ANKRD2: variants seen among roughly 807,000 people sequenced by gnomAD.
ANKRD2 encodes ankyrin repeat domain-containing protein 2.
Under a neutral mutation model 37.3 loss-of-function variants are expected in ANKRD2, and 35 were observed. The observed-to-expected ratio is 0.94, with a 90% CI of 0.72 to 1.24. ANKRD2 has a LOEUF of 1.24. Among genes scored for constraint, ANKRD2 ranks in the 50% most tolerant of loss-of-function variants. ANKRD2 has a pLI of 0.00. For missense variants in ANKRD2, 410 were observed against 445.6 expected (o/e 0.92, Z 0.72); for synonymous variants, 159 against 186.5 (o/e 0.85, Z 1.20).
At chr10:97,577,765 G>A in intron 1 of ANKRD2, 35 bp from the exon 2 acceptor site, 9 of 1,511,298 alleles carry the variant, frequency 6.0e-6, no homozygotes, top group African/African-American at 1.4e-5. Flanking sequence ...CTGTCTCCTC[G>A]GGTCCTGGAG....
intron 5 of ANKRD2, 104 bp downstream of exon 5, chr10:97,581,057 C>A: frequency 9.1e-7 from 1 of 1,099,318 alleles, no homozygotes; most frequent in Non-Finnish European, 1.3e-6. Flanking sequence ...AAACAGGTTG[C>A]TCAGGTGCCA....
chr10:97,578,273 C>A lies in ANKRD2; in HGVS notation c.223C>A (p.Leu75Met). 6.2e-7 allele frequency: 1 copy of A among 1,612,870 alleles called. No homozygotes were observed. ...GCGCGTGCGCAAGACGTCCCTGGAC[C>A]TGCGGCGGGAGATCATCGATGTGGG... Reference protein sequence around the residue: ...QERVRKTSLDLRREIIDVGGI... With the variant: ...QERVRKTSLDMRREIIDVGGI... The change falls in exon 3 of 9, where the codon CTG becomes ATG. Residue 75 changes from leucine (L) to methionine (M), a missense_variant. Transcript: ENST00000370655.
chr10:97,574,443 TGGTAGTAG>T (rs1209085842), intron 1 of ANKRD2, among the ~76,000 whole-genome samples: 1 of 152,146 alleles, frequency 6.6e-6, no homozygotes, highest in Non-Finnish European at 1.5e-5. Flanking sequence ...TGATAAAGTC[TGGTAGTAG>T]GGGCTAAGGC....
intron 1 of ANKRD2, among the ~76,000 whole-genome samples, chr10:97,576,558 A>G (rs2040828370): frequency 1.3e-5 from 2 of 152,290 alleles, no homozygotes; most frequent in East Asian, 1.9e-4. Context: ...AAAAAATAGT[A>G]TCTAACAAAG....
chr10:97,578,144 G>GGCCCCC, intron 2 of ANKRD2, 96 bp from the exon 3 acceptor site: 4 of 685,434 alleles, frequency 5.8e-6, no homozygotes, highest in Non-Finnish European at 7.5e-6. Flanking sequence ...GGGTCTTCCT[G>GGCCCCC]CCCACCCCAC....
intron 2 of ANKRD2, 96 bp from the exon 3 acceptor site, chr10:97,578,144 G>GGGGCCCCCCCCCCAACCC: frequency 1.5e-6 from 1 of 685,446 alleles, no homozygotes; most frequent in Non-Finnish European, 2.5e-6. Context: ...GGGTCTTCCT[G>GGGGCCCCCCCCCCAACCC]CCCACCCCAC....
chr10:97,577,923 G>T, intron 2 of ANKRD2, 22 bp downstream of exon 2: 5 of 1,542,038 alleles, frequency 3.2e-6, no homozygotes, highest in Non-Finnish European at 4.4e-6. Flanking sequence ...AGGATCCAAT[G>T]TCTGCACCCA....
At chr10:97,573,026 T>A in intron 1 of ANKRD2, 151 bp downstream of exon 1, 1 of 1,054,884 alleles carries the variant, frequency 9.5e-7, no homozygotes, top group Non-Finnish European at 1.3e-6. Context: ...CCCAGGGTAT[T>A]ACTGGCAGGG....
chr10:97,581,263 C>T (rs1000422942), intron 5 of ANKRD2, 53 bp from the exon 6 acceptor site: 44 of 1,564,860 alleles, frequency 2.8e-5, no homozygotes, highest in South Asian at 1.0e-4. Flanking sequence ...ACATTACCCC[C>T]GAATACTTTC....
At chr10:97,580,799 A>G (rs2040887265) in intron 4 of ANKRD2, 56 bp from the exon 5 acceptor site, 4 of 1,366,756 alleles carry the variant, frequency 2.9e-6, no homozygotes, top group African/African-American at 1.4e-5. Flanking sequence ...CTTGGGTGGG[A>G]GATGGGCTCA....
At chr10:97,572,668 C>A, upstream of ANKRD2, 2 of 1,571,948 alleles carry the variant, frequency 1.3e-6, no homozygotes, top group Non-Finnish European at 1.7e-6. Context: ...GTGAAGGTGA[C>A]AGGTGGGGGA....
chr10:97,577,713 GTC>G, intron 1 of ANKRD2, 85 bp from the exon 2 acceptor site: 1 of 1,073,170 alleles, frequency 9.3e-7, no homozygotes, highest in Non-Finnish European at 1.3e-6. Flanking sequence ...CCAGGAGGAT[GTC>G]TCTGTGGGGT....
At chr10:97,574,373 G>A (rs1457638380) in intron 1 of ANKRD2, among the ~76,000 whole-genome samples, 2 of 152,078 alleles carry the variant, frequency 1.3e-5, no homozygotes, top group Non-Finnish European at 2.9e-5. Context: ...ATGGTGGAGG[G>A]TATTCCAGCC....
In ANKRD2 at chr10:97,581,211, G is replaced by A. The variant is rs771830800; in HGVS notation, c.556-105G>A. 1.8e-5 allele frequency: 22 copies of A among 1,213,224 alleles called. No individual in the cohort carries two copies. In the Admixed American group the frequency reaches 1.9e-4, roughly 11 times the overall value. The allele number at this position is 1,213,224 out of a possible 1,614,324, so 75.2% of individuals were successfully genotyped here. On this transcript the variant is annotated intron_variant, in intron 5 of 8. Coordinates refer to ENST00000370655, the MANE Select transcript of ANKRD2 (RefSeq NM_001346793.2). ...TTGCCCATGCCCAGGCCTGCTCCCTGTACCTTTCCCCTAGATATCCCTCTG... is the reference window on the plus strand; with the variant it reads ...TTGCCCATGCCCAGGCCTGCTCCCTATACCTTTCCCCTAGATATCCCTCTG...
upstream of ANKRD2, chr10:97,572,754 A>G (rs953823404): frequency 6.2e-7 from 1 of 1,604,304 alleles, no homozygotes; most frequent in Admixed American, 1.7e-5. Context: ...CTGGCCTATA[A>G]AGCCCCCGAG....
At chr10:97,578,434 A>AG (rs760605016) in intron 3 of ANKRD2, 36 bp downstream of exon 3, 13 of 1,611,078 alleles carry the variant, frequency 8.1e-6, no homozygotes, top group Non-Finnish European at 1.1e-5. Context: ...GAGGGGGCGG[A>AG]GGGGGAGCCC....
chr10:97,572,671 G>A (rs2040772600), upstream of ANKRD2: 2 of 1,576,914 alleles, frequency 1.3e-6, no homozygotes, highest in Middle Eastern at 2.3e-4. Context: ...AAGGTGACAG[G>A]TGGGGGAGGC....
At chr10:97,572,764 G>A (rs1377865206), upstream of ANKRD2, 2 of 1,602,070 alleles carry the variant, frequency 1.2e-6, no homozygotes, top group African/African-American at 2.7e-5. Context: ...AAGCCCCCGA[G>A]GCCCTGTGGC....
chr10:97,578,075 A>G (rs1197650714), intron 2 of ANKRD2, among the ~76,000 whole-genome samples, 165 bp from the exon 3 acceptor site: 1 of 151,880 alleles, frequency 6.6e-6, no homozygotes, highest in Admixed American at 6.6e-5. Flanking sequence ...AATTCCCCCA[A>G]TGTGAGAGCC....
Sources: allele counts gnomAD v4.1 joint callset (sites outside exome capture counted in the v4.1 genomes callset), GRCh38; gene constraint gnomAD v4.1.1; transcripts MANE v1.5; gene names NCBI Gene and HGNC (gene_info 2026-07-23, HGNC 2026-07-21).